The following FAM184B variants were observed in gnomAD, a reference collection of about 807,000 sequenced individuals.
FAM184B encodes the protein family with sequence similarity 184 member B, also known as protein FAM184B.
FAM184B carries 111 observed loss-of-function variants against 135.9 expected under a neutral mutation model. The ratio of observed to expected loss-of-function variants is 0.82; its 90% CI spans 0.70 to 0.96. The LOEUF is 0.96. FAM184B is among the 40% of genes least tolerant of loss of function. The pLI is 0.00. For missense variants in FAM184B, 1,375 were observed against 1,323.9 expected, an observed-to-expected ratio of 1.04 and a Z score of -0.60; for synonymous variants, 552 against 524.8, an observed-to-expected ratio of 1.05 and a Z score of -0.71.
At chr4:17,745,852 AT>A (rs1718147703) in intron 1 of FAM184B, among the ~76,000 whole-genome samples, 1 of 152,204 alleles carries the variant, frequency 6.6e-6, no homozygotes, top group Admixed American at 6.5e-5. Flanking sequence ...TTAGAGAGTT[AT>A]CCCTGTTTGA....
At chr4:17,658,140 C>T (rs1577249929) in intron 10 of FAM184B, among the ~76,000 whole-genome samples, 1 of 152,342 alleles carries the variant, frequency 6.6e-6, no homozygotes, top group East Asian at 1.9e-4. Context: ...TAGCCCGCTT[C>T]CTTTGCCATT....
At position 17,751,823 on chromosome 4, in the gene FAM184B, G is replaced by GCACACACACACACACACACACACA. The variant is rs3222789; in HGVS notation, c.141+29312_141+29335dup. Among the ~76,000 whole-genome samples the GCACACACACACACACACACACACA allele has an allele frequency of 7.7e-4, 89 of 115,898 alleles. 2 individuals are homozygous for GCACACACACACACACACACACACA. Among genetic ancestry groups the GCACACACACACACACACACACACA allele is most frequent in the Admixed American group, 1.6e-3 (16 of 10,272 alleles). 76.0% of individuals were successfully genotyped at this position (115,898 alleles called of 152,430 possible). A position where few individuals can be genotyped will look rare whatever the true frequency, so the allele number is the denominator to read the frequency against. On this transcript the variant is annotated intron_variant, in intron 1 of 17. Coordinates refer to ENST00000265018, the MANE Select transcript of FAM184B (RefSeq NM_015688.2). ...GGCTGATTCTGGCCCTAAAAACAAG[G>GCACACACACACACACACACACACA]CACACACACACACACACACACACAC...
chr4:17,664,456 G>A (rs547801270), intron 8 of FAM184B, 106 bp downstream of exon 8: 5 of 851,700 alleles, frequency 5.9e-6, no homozygotes, highest in Non-Finnish European at 9.1e-6. Context: ...CATGCTGCAA[G>A]GAGCAGTGAT....
rs2108923207 is a variant in FAM184B, at chr4:17,631,875, T to TA, written c.*656dup. On this transcript the variant is annotated 3_prime_UTR_variant, in exon 18 of 18. Transcript: ENST00000265018. ...TTTCCAGTGGAGTTGACTAGCATCCTAAGGACAAGTACAACCACTTTTGAA... is the reference window on the plus strand; with the variant it reads ...TTTCCAGTGGAGTTGACTAGCATCCTAAAGGACAAGTACAACCACTTTTGAA... The TA allele has an allele frequency of 6.6e-6, 1 of 152,258 alleles. No individual in the cohort carries two copies. Among genetic ancestry groups the TA allele is most frequent in the East Asian group, 1.9e-4 (1 of 5,174 alleles). The allele number at this position is 152,258 out of a possible 1,614,324, so 9.4% of individuals were successfully genotyped here.
chr4:17,691,342 A>G (rs1184240613), intron 6 of FAM184B, among the ~76,000 whole-genome samples: 2 of 152,230 alleles, frequency 1.3e-5, no homozygotes, highest in African/African-American at 4.8e-5. Context: ...CTTAGATAGT[A>G]TCTTGACTAG....
rs768459656 is a variant in FAM184B at position 17,781,198 on chromosome 4, C to T, written c.102G>A (p.Met34Ile). 4 of 1,550,562 alleles carry T rather than the reference C, an allele frequency of 2.6e-6. No homozygotes were observed. Among genetic ancestry groups the T allele is most frequent in the Non-Finnish European group, 2.6e-6 (3 of 1,146,506 alleles). The change falls in exon 1 of 18, where the codon ATG (methionine) becomes ATA (isoleucine). Residue 34 changes from methionine to isoleucine, a missense_variant. Physicochemically the swap from Met to Ile is conservative, Grantham distance 10. Transcript: ENST00000265018. This position sits in a 1 kb window ranked among gnomAD's most constrained non-coding sequence, Gnocchi z 6.5. ...AGWRMDCDPQMHVKMCKKIAQ... is the reference protein window; with the variant it reads ...AGWRMDCDPQIHVKMCKKIAQ... ...CGATCTTCTTGCACATTTTCACGTG[C>T]ATCTGGGGATCACAGTCCATTCTCC...
At chr4:17,746,005 C>G (rs1411563568) in intron 1 of FAM184B, among the ~76,000 whole-genome samples, 1 of 152,124 alleles carries the variant, frequency 6.6e-6, no homozygotes, top group East Asian at 1.9e-4. Context: ...GTCGCCCAGA[C>G]TGGAGTGCAC....
chr4:17,768,323 G>A (rs1199264523), intron 1 of FAM184B, among the ~76,000 whole-genome samples: 1 of 152,136 alleles, frequency 6.6e-6, no homozygotes, highest in Non-Finnish European at 1.5e-5. Flanking sequence ...CGCCCAGACT[G>A]GGGTGCAGTG....
rs73800366 is a variant in FAM184B, at chr4:17,722,301, C to T, written c.142-12657G>A. Among the ~76,000 whole-genome samples, 1,276 of 152,258 alleles carry T rather than the reference C, an allele frequency of 8.4e-3. 17 individuals are homozygous for T. Among genetic ancestry groups the T allele is most frequent in the African/African-American group, 0.028 (1,170 of 41,552 alleles). ...AGTCAGAAAAGAGGACTAACTAAAC[C>T]GCCAGAAGGAAGCCCTGGATTCGGG... On this transcript the variant is annotated intron_variant, in intron 1 of 17. Transcript: ENST00000265018.
intron 1 of FAM184B, among the ~76,000 whole-genome samples, chr4:17,770,682 T>A (rs1374458112): frequency 6.6e-6 from 1 of 152,200 alleles, no homozygotes; most frequent in East Asian, 1.9e-4. Context: ...TCCAGGCTGG[T>A]CTTGAACTCC....
rs1038307512 is a variant in FAM184B at position 17,766,003 on chromosome 4, G to A, written c.141+15156C>T. 2.6e-5 allele frequency among the ~76,000 whole-genome samples: 4 copies of A among 152,122 alleles called. No homozygotes were observed. The East Asian group carries it at 5.8e-4, about 22-fold the overall frequency. Reference sequence around the variant, plus strand: ...CCCCCGGCAGGTTCATGATCTAACTGGCTTCAACAGTGAAGCTGCAGACCT... The same window carrying A: ...CCCCCGGCAGGTTCATGATCTAACTAGCTTCAACAGTGAAGCTGCAGACCT... On this transcript the variant is annotated intron_variant, in intron 1 of 17. Coordinates refer to ENST00000265018, the MANE Select transcript of FAM184B (RefSeq NM_015688.2).
In FAM184B at chr4:17,639,377, G is replaced by T. The variant is rs1288681300; in HGVS notation, c.2539C>A (p.Gln847Lys). The T allele has an allele frequency of 1.3e-6, 2 of 1,551,646 alleles. No homozygotes were observed. The highest frequency in any genetic ancestry group is 2.7e-5 in the African/African-American group (2 of 73,162). Residue 847 changes from glutamine (Q) to lysine (K), a missense_variant, in exon 14 of 18, where the codon CAA (glutamine) becomes AAA (lysine). By Grantham distance (53) the Gln-to-Lys change is moderately conservative. Coordinates refer to ENST00000265018, the MANE Select transcript of FAM184B (RefSeq NM_015688.2). ...TCCACCTCCCTGGCCCGCTGGGCTT[G>T]CTGAGTCTCCTCCAGGAACCTGTGG... Reference protein sequence around the residue: ...DQRRFLEETQQAQRAREVETL... With the variant: ...DQRRFLEETQKAQRAREVETL...
rs1394886213 is a variant in FAM184B at position 17,642,102 on chromosome 4, C to T, written c.2473G>A (p.Val825Met). 3 of 1,532,818 alleles carry T rather than the reference C, an allele frequency of 2.0e-6. No individual in the cohort carries two copies. The highest frequency in any genetic ancestry group is 3.9e-5 in the Admixed American group (2 of 50,862). The allele number at this position is 1,532,818 out of a possible 1,614,324, so 95.0% of individuals were successfully genotyped here. ...QDAVRRLRAE[V>M]EQHQQEAQKL... The stretch of plus-strand genomic sequence containing the variant: ...TGCGCCTCCTGCTGATGCTGCTCCA[C>T]CTCCGCGCGCAGCCGCCGCACCGCG... The change falls in exon 13 of 18, where the codon GTG (valine) becomes ATG (methionine). Residue 825 changes from valine (V) to methionine (M), a missense_variant. By Grantham distance (21) the Val-to-Met change is conservative (BLOSUM62 1). Coordinates refer to ENST00000265018, the MANE Select transcript of FAM184B (RefSeq NM_015688.2).
At chr4:17,687,462 C>T (rs1022888998) in intron 7 of FAM184B, among the ~76,000 whole-genome samples, 1 of 152,182 alleles carries the variant, frequency 6.6e-6, no homozygotes, top group Non-Finnish European at 1.5e-5. Flanking sequence ...CACTGAGTGC[C>T]TATCTTGTGG....
At chr4:17,663,870 A>G (rs1424043013) in intron 8 of FAM184B, among the ~76,000 whole-genome samples, 1 of 151,928 alleles carries the variant, frequency 6.6e-6, no homozygotes, top group African/African-American at 2.4e-5. Context: ...TTTTCATGAA[A>G]TCTGATGGTT....
intron 13 of FAM184B, among the ~76,000 whole-genome samples, chr4:17,640,316 CAA>C (rs376386841): frequency 6.8e-4 from 91 of 133,896 alleles, no homozygotes; most frequent in African/African-American, 2.3e-3. Flanking sequence ...ACTAAAAATA[CAA>C]AAAAAAAAAA....
At chr4:17,705,267 C>T (rs926290006) in intron 4 of FAM184B, 61 bp from the exon 5 acceptor site, 1 of 1,280,370 alleles carries the variant, frequency 7.8e-7, no homozygotes, top group Non-Finnish European at 1.1e-6. Context: ...AAGGAATCAC[C>T]ATTTCCCTTT....
Position 17,705,239 on chromosome 4 carries a change from T to C in FAM184B, c.1171-33A>G, listed in dbSNP as rs755975306. 5.3e-6 allele frequency: 8 copies of C among 1,497,214 alleles called. No homozygotes were observed. In the East Asian group the frequency reaches 1.2e-4, roughly 23 times the overall value. 92.7% of individuals were successfully genotyped at this position (1,497,214 alleles called of 1,614,324 possible). ...AAGAAAAAGGACCTTGTAAAACCAC[T>C]GGGGAGGGGTGAGGAGCAAGGAATC... On this transcript the variant is annotated intron_variant, in intron 4 of 17. Coordinates refer to ENST00000265018, the MANE Select transcript of FAM184B (RefSeq NM_015688.2).
chr4:17,649,605 C>T (rs929799961), intron 11 of FAM184B, among the ~76,000 whole-genome samples: 2 of 150,846 alleles, frequency 1.3e-5, no homozygotes, highest in African/African-American at 4.9e-5. Context: ...AAAAAATTTA[C>T]TTCGTAATCT....
Sources: allele counts gnomAD v4.1 joint callset (sites outside exome capture counted in the v4.1 genomes callset), GRCh38; gene constraint gnomAD v4.1.1; non-coding constraint Gnocchi (gnomAD v3.1); transcripts MANE v1.5; gene names NCBI Gene and HGNC (gene_info 2026-07-23, HGNC 2026-07-21).